D2HGDH: variants seen among roughly 807,000 people sequenced by gnomAD.
D2HGDH encodes D-2-hydroxyglutarate dehydrogenase, mitochondrial.
Under a neutral mutation model 46.9 loss-of-function variants are expected in D2HGDH, and 31 were observed. The observed-to-expected ratio is 0.66, with a 90% CI of 0.50 to 0.89. D2HGDH has a LOEUF of 0.89. Ranked by LOEUF, D2HGDH falls within the 40% of genes least tolerant of loss-of-function variation. The pLI, the probability that D2HGDH is intolerant of heterozygous loss-of-function variation, is 0.00. For synonymous variants in D2HGDH, 364 were observed against 332.6 expected (o/e 1.09, Z -1.03); for missense variants, 698 against 720.8 (o/e 0.97, Z 0.36).
At chr2:241,767,574 G>T (rs1402237778) in intron 9 of D2HGDH, 136 bp from the exon 10 acceptor site, 8 of 1,265,740 alleles carry the variant, frequency 6.3e-6, no homozygotes, top group Non-Finnish European at 8.9e-6. Flanking sequence ...CGTCCAGGGC[G>T]AGTGGCATGA....
chr2:241,762,922 C>G (rs950686020), intron 9 of D2HGDH, among the ~76,000 whole-genome samples: 2 of 152,080 alleles, frequency 1.3e-5, no homozygotes, highest in African/African-American at 4.8e-5. Context: ...TGACCTTAGC[C>G]GTGGTGGTTT....
At chr2:241,736,670 C>T (rs889120685) in intron 2 of D2HGDH, among the ~76,000 whole-genome samples, 33 of 147,400 alleles carry the variant, frequency 2.2e-4, no homozygotes, top group Non-Finnish European at 4.0e-4. Flanking sequence ...ACCGTTTATC[C>T]GTTTTTTTTT....
At chr2:241,757,502 GTCA>G (rs1168343673) in intron 9 of D2HGDH, among the ~76,000 whole-genome samples, 2 of 151,828 alleles carry the variant, frequency 1.3e-5, no homozygotes, top group Non-Finnish European at 2.9e-5. Flanking sequence ...TGATGAGTGT[GTCA>G]TCATCCAGAG....
chr2:241,744,368 G>A (rs1209830672), intron 5 of D2HGDH, among the ~76,000 whole-genome samples: 3 of 152,250 alleles, frequency 2.0e-5, no homozygotes, highest in Non-Finnish European at 2.9e-5. Flanking sequence ...CTCATGAGCT[G>A]TGTAGGCCTC....
intron 2 of D2HGDH, 134 bp from the exon 3 acceptor site, chr2:241,740,899 C>T (rs1012696486): frequency 1.1e-5 from 8 of 725,886 alleles, no homozygotes; most frequent in African/African-American, 8.7e-5. Flanking sequence ...GAGCCAGGAT[C>T]GTGGCACTTC....
At position 241,741,055 on chromosome 2, in the gene D2HGDH, G is replaced by A; in HGVS notation, c.315G>A (p.Arg105=). ...CAGGCTGTAGCAAGGTGCTGCTGAG[G>A]CCACGGACGTCGGAGGAGGTGTCCC... ...TLRGCSKVLL[R]PRTSEEVSHI... The change falls in exon 3 of 10, where the codon AGG becomes AGA. Residue 105 remains arginine, a synonymous_variant. Transcript: ENST00000321264. 2 of 1,614,086 alleles carry A rather than the reference G, an allele frequency of 1.2e-6. No individual in the cohort carries two copies. Among genetic ancestry groups the A allele is most frequent in the South Asian group, 1.1e-5 (1 of 91,058 alleles).
At chr2:241,749,526 C>A in intron 6 of D2HGDH, 1 of 451,256 alleles carries the variant, frequency 2.2e-6, no homozygotes, top group Non-Finnish European at 3.7e-6. Flanking sequence ...CACTGGTAGC[C>A]CCCACCAACC....
Position 241,743,296 on chromosome 2 carries a change from C to A in D2HGDH, c.491-326C>A, listed in dbSNP as rs1695005808. 6.6e-6 allele frequency among the ~76,000 whole-genome samples: 1 copy of A among 152,242 alleles called. No homozygotes were observed. Among genetic ancestry groups the A allele is most frequent in the Non-Finnish European group, 1.5e-5 (1 of 68,036 alleles). On this transcript the variant is annotated intron_variant, in intron 4 of 9. Transcript: ENST00000321264. The surrounding 1 kb of genome is among the most constrained non-coding windows in gnomAD (Gnocchi z 4.8). ...TGGCACCCCCAACCCAGGCATTGTC[C>A]CACATGCCCAGGGCAGGATCAGCCC...
chr2:241,737,294 T>C (rs1040471672), intron 2 of D2HGDH, among the ~76,000 whole-genome samples: 21 of 152,314 alleles, frequency 1.4e-4, no homozygotes, highest in African/African-American at 5.1e-4. Flanking sequence ...AAGGTCCCAT[T>C]CACAGGTCTT....
chr2:241,741,179 G>A, intron 3 of D2HGDH, 89 bp downstream of exon 3: 2 of 1,252,504 alleles, frequency 1.6e-6, no homozygotes, highest in East Asian at 2.5e-5. Context: ...GGGTGACGCG[G>A]TGCGAAGCCA....
At position 241,753,911 on chromosome 2, in the gene D2HGDH, C is replaced by T. The variant is rs144924627; in HGVS notation, c.1141-1938C>T. Among the ~76,000 whole-genome samples, 811 of 152,296 alleles carry T rather than the reference C, an allele frequency of 5.3e-3. 3 individuals carry two copies. The highest frequency in any genetic ancestry group is 0.02 in the Middle Eastern group (6 of 294). On this transcript the variant is annotated intron_variant, in intron 8 of 9. Transcript: ENST00000321264. ...ATGGCCCCTCAGAGCCAGGAAGCGC[C>T]GGGGAGGAGGGCAGGGCCAGGCAGG...
At chr2:241,762,634 C>T (rs757279524) in intron 9 of D2HGDH, among the ~76,000 whole-genome samples, 7 of 152,280 alleles carry the variant, frequency 4.6e-5, no homozygotes, top group Admixed American at 2.6e-4. Flanking sequence ...TGTTTCTTAT[C>T]GGCTGCTGCC....
chr2:241,740,322 G>A (rs568959633), intron 2 of D2HGDH, among the ~76,000 whole-genome samples: 36 of 152,272 alleles, frequency 2.4e-4, no homozygotes, highest in African/African-American at 5.8e-4. Flanking sequence ...CACACATCAC[G>A]AAAGGAAGTG....
At chr2:241,744,583 A>G (rs749563894) in intron 5 of D2HGDH, 126 bp from the exon 6 acceptor site, 2 of 1,189,320 alleles carry the variant, frequency 1.7e-6, no homozygotes, top group African/African-American at 3.0e-5. Flanking sequence ...GTACAGGAGG[A>G]AAGTCCATCC....
At chr2:241,745,867 G>A (rs917110537) in intron 6 of D2HGDH, among the ~76,000 whole-genome samples, 1 of 152,016 alleles carries the variant, frequency 6.6e-6, no homozygotes, top group African/African-American at 2.4e-5. Flanking sequence ...CTTTTATCCC[G>A]GTGGAAACGC....
intron 5 of D2HGDH, 128 bp from the exon 6 acceptor site, chr2:241,744,581 G>A: frequency 5.9e-6 from 7 of 1,181,214 alleles, no homozygotes; most frequent in Non-Finnish European, 8.7e-6. Flanking sequence ...TCGTACAGGA[G>A]GAAAGTCCAT....
At chr2:241,748,690 C>G (rs1696509819) in intron 6 of D2HGDH, 2 of 488,262 alleles carry the variant, frequency 4.1e-6, no homozygotes, top group Non-Finnish European at 5.8e-6. Context: ...ACCGCCTCCT[C>G]CCCGCCCTCC....
chr2:241,756,229 A>G (rs369352056), intron 9 of D2HGDH, among the ~76,000 whole-genome samples: 2 of 152,254 alleles, frequency 1.3e-5, no homozygotes, highest in Admixed American at 6.5e-5. Context: ...AAAGACTGCC[A>G]TCGTGCACTT....
intron 8 of D2HGDH, among the ~76,000 whole-genome samples, chr2:241,752,080 G>T (rs1173136313): frequency 1.5e-5 from 2 of 130,588 alleles, no homozygotes; most frequent in Admixed American, 1.8e-4. Flanking sequence ...GGCAGTGGGA[G>T]GCGCCCTTGG....
Sources: gnomAD v4.1 joint callset for allele counts (sites outside exome capture counted in the v4.1 genomes callset) on GRCh38, gnomAD v4.1.1 for gene constraint, Gnocchi (gnomAD v3.1) non-coding constraint, MANE v1.5 for transcripts, NCBI Gene and HGNC (gene_info 2026-07-23, HGNC 2026-07-21) for gene names.